GRAPL: variants seen among roughly 807,000 people sequenced by gnomAD.
The protein encoded by GRAPL is GRB2-related adapter protein-like.
intron 3 of GRAPL, among the ~76,000 whole-genome samples, chr17:19,144,588 C>T (rs1327461197): frequency 7.1e-6 from 1 of 141,490 alleles, no homozygotes; most frequent in Admixed American, 7.2e-5. Context: ...GAGACGCTCT[C>T]ACACCCCCGG....
At chr17:19,147,135 C>T (rs571081435) in intron 3 of GRAPL, among the ~76,000 whole-genome samples, 2 of 145,050 alleles carry the variant, frequency 1.4e-5, no homozygotes, top group African/African-American at 5.4e-5. Context: ...CAAATGTGAA[C>T]AAAAAGATCC....
intron 3 of GRAPL, among the ~76,000 whole-genome samples, chr17:19,146,785 T>G (rs1459392823): frequency 1.0e-5 from 1 of 96,368 alleles, no homozygotes; most frequent in Non-Finnish European, 1.9e-5. Context: ...TCTTAAAACA[T>G]CAATAAGGAA....
rs1474284892 is a variant in GRAPL at position 19,147,044 on chromosome 17, TGTGTGTGCGCGCGCGCGCGC to T, written c.299+8460_299+8479del. Among the ~76,000 whole-genome samples, 23 of 125,284 alleles carry T rather than the reference TGTGTGTGCGCGCGCGCGCGC, an allele frequency of 1.8e-4. No homozygotes were observed. The East Asian group carries it at 0.013, about 68-fold the overall frequency. The allele number at this position is 125,284 out of a possible 152,430, so 82.2% of individuals were successfully genotyped here. On this transcript the variant is annotated intron_variant, in intron 3 of 3. Transcript: ENST00000344415. Reference sequence around the variant, plus strand: ...GTGTGTGTGTGTGTGTGTGTGTGTGTGTGTGTGCGCGCGCGCGCGCGTGCATGTGTCCCATCAAGGCATCA... The same window carrying T: ...GTGTGTGTGTGTGTGTGTGTGTGTGTGTGCATGTGTCCCATCAAGGCATCA...
At chr17:19,143,112 C>T (rs2044680987) in intron 3 of GRAPL, 1 of 90,780 alleles carries the variant, frequency 1.1e-5, no homozygotes, top group Non-Finnish European at 1.7e-5. Context: ...GCTGGGAAGC[C>T]GGGTGACCTG....
At chr17:19,144,429 T>A (rs1192513046) in intron 3 of GRAPL, among the ~76,000 whole-genome samples, 1 of 128,850 alleles carries the variant, frequency 7.8e-6, no homozygotes, top group Non-Finnish European at 1.6e-5. Flanking sequence ...TTCCCCTGGG[T>A]AGGTGGATGT....
intron 3 of GRAPL, among the ~76,000 whole-genome samples, chr17:19,148,702 C>T (rs1417579279): frequency 6.4e-5 from 2 of 31,168 alleles, no homozygotes; most frequent in African/African-American, 1.1e-4. Context: ...GTCAGGAGTT[C>T]GAGACCATCC....
chr17:19,148,982 C>T (rs1244070265), intron 3 of GRAPL, among the ~76,000 whole-genome samples: 1 of 129,530 alleles, frequency 7.7e-6, no homozygotes, highest in Non-Finnish European at 1.6e-5. Context: ...GTACTTGGGG[C>T]GATTTGGCGA....
intron 3 of GRAPL, among the ~76,000 whole-genome samples, chr17:19,144,442 G>A (rs1262741061): frequency 7.5e-6 from 1 of 134,144 alleles, no homozygotes; most frequent in Non-Finnish European, 1.6e-5. Flanking sequence ...GTGGATGTAG[G>A]GGTCACACAG....
At chr17:19,143,087 T>C in intron 3 of GRAPL, 1 of 92,048 alleles carries the variant, frequency 1.1e-5, no homozygotes, top group African/African-American at 1.2e-4. Flanking sequence ...GCACAGGGAG[T>C]CAGGGAACCC....
intron 3 of GRAPL, among the ~76,000 whole-genome samples, chr17:19,151,542 A>ATTG: frequency 1.6e-4 from 1 of 6,102 alleles, no homozygotes; most frequent in East Asian, 8.3e-4. Context: ...ACTCTTGGAG[A>ATTG]TTGTTGCACA....
At chr17:19,144,332 G>T (rs573019267) in intron 3 of GRAPL, among the ~76,000 whole-genome samples, 1 of 135,694 alleles carries the variant, frequency 7.4e-6, no homozygotes, top group African/African-American at 2.8e-5. Flanking sequence ...AGAAAAACTC[G>T]CTGGGCAGGA....
intron 3 of GRAPL, chr17:19,142,672 TG>T (rs1416191415): frequency 1.3e-5 from 1 of 79,864 alleles, no homozygotes; most frequent in Admixed American, 1.3e-4. Flanking sequence ...CCCAGGCTCC[TG>T]GGTCCTGCTC....
chr17:19,147,016 G>GGTGTGTGTGTGTGT (rs764286470), intron 3 of GRAPL, among the ~76,000 whole-genome samples: 13 of 98,534 alleles, frequency 1.3e-4, no homozygotes, highest in East Asian at 1.2e-3. Context: ...GAGAGGTAGG[G>GGTGTGTGTGTGTGT]GTGTGTGTGT....
chr17:19,148,921 A>AG (rs2044713596), intron 3 of GRAPL, among the ~76,000 whole-genome samples: 1 of 135,052 alleles, frequency 7.4e-6, no homozygotes, highest in African/African-American at 2.7e-5. Flanking sequence ...AAAAAAAAAA[A>AG]AAAGAAAAGA....
At chr17:19,147,046 TGTGTGC>T (rs1188178589) in intron 3 of GRAPL, among the ~76,000 whole-genome samples, 4 of 125,636 alleles carry the variant, frequency 3.2e-5, no homozygotes, top group African/African-American at 1.1e-4. Flanking sequence ...TGTGTGTGTG[TGTGTGC>T]GCGCGCGCGC....
intron 1 of GRAPL, among the ~76,000 whole-genome samples, chr17:19,130,774 GC>G: frequency 1.4e-5 from 1 of 71,316 alleles, no homozygotes; most frequent in Non-Finnish European, 2.3e-5. Flanking sequence ...GGACACTGAG[GC>G]CAAGGCCACA....
intron 3 of GRAPL, chr17:19,144,005 G>A (rs1209674642): frequency 3.2e-5 from 1 of 30,866 alleles, no homozygotes; most frequent in African/African-American, 1.3e-4. Context: ...AGACCCAGCA[G>A]GAGTCTGTCT....
rs530030291 is a variant in GRAPL at position 19,147,048 on chromosome 17, T to C, written c.299+8460T>C. Among the ~76,000 whole-genome samples the C allele has an allele frequency of 2.8e-3, 357 of 125,982 alleles. 17 individuals carry two copies. The highest frequency in any genetic ancestry group is 3.3e-3 in the Admixed American group (43 of 12,934). 82.6% of individuals were successfully genotyped at this position (125,982 alleles called of 152,430 possible). A position where few individuals can be genotyped will look rare whatever the true frequency, so the allele number is the denominator to read the frequency against. ...GTGTGTGTGTGTGTGTGTGTGTGTG[T>C]GTGCGCGCGCGCGCGCGTGCATGTG... On this transcript the variant is annotated intron_variant, in intron 3 of 3. Transcript: ENST00000344415.
intron 3 of GRAPL, among the ~76,000 whole-genome samples, chr17:19,148,736 CT>C (rs1169796334): frequency 2.7e-5 from 1 of 36,788 alleles, no homozygotes; most frequent in Non-Finnish European, 4.8e-5. Flanking sequence ...GAAACCCCGT[CT>C]CTACTAAAAA....
Sources: allele counts gnomAD v4.1 joint callset (sites outside exome capture counted in the v4.1 genomes callset), GRCh38; gene constraint gnomAD v4.1.1; transcripts MANE v1.5; gene names NCBI Gene and HGNC (gene_info 2026-07-23, HGNC 2026-07-21).